CAMK1D: variants seen among roughly 807,000 people sequenced by gnomAD.
The protein encoded by CAMK1D is calcium/calmodulin-dependent protein kinase type 1D.
A neutral mutation model predicts 47.7 loss-of-function variants in CAMK1D; 9 were observed. The observed-to-expected ratio is 0.19, with a 90% CI of 0.11 to 0.33. CAMK1D has a LOEUF of 0.33. Ranked by LOEUF, CAMK1D falls within the 10% of genes least tolerant of loss-of-function variation. The pLI is 1.00. For synonymous variants in CAMK1D, 184 were observed against 184.9 expected, an observed-to-expected ratio of 0.99 and a Z score of 0.04; for missense variants, 291 against 488.7, an observed-to-expected ratio of 0.60 and a Z score of 3.81.
At chr10:12,823,298 A>C (rs1228985366) in intron 8 of CAMK1D, among the ~76,000 whole-genome samples, 1 of 152,104 alleles carries the variant, frequency 6.6e-6, no homozygotes, top group Admixed American at 6.5e-5. Context: ...GATCCCCTTA[A>C]CTTCTGCAAG....
intron 6 of CAMK1D, among the ~76,000 whole-genome samples, chr10:12,801,350 TATCTTATCTATCTATC>T (rs1393504931): frequency 1.1e-4 from 12 of 106,252 alleles, no homozygotes; most frequent in African/African-American, 3.8e-4. Context: ...TCTATCTATC[TATCTTATCTATCTATC>T]TATCTATCTA....
At chr10:12,751,788 G>A (rs1041746550) in intron 3 of CAMK1D, among the ~76,000 whole-genome samples, 3 of 151,518 alleles carry the variant, frequency 2.0e-5, no homozygotes, top group Non-Finnish European at 4.4e-5. Flanking sequence ...CAGCCGGCAC[G>A]CAGCAGGGAA....
chr10:12,594,676 G>C (rs780908109), intron 2 of CAMK1D, among the ~76,000 whole-genome samples: 3 of 152,210 alleles, frequency 2.0e-5, no homozygotes, highest in Non-Finnish European at 4.4e-5. Flanking sequence ...AAAGTTAAAG[G>C]CTAGTTTAGG....
intron 3 of CAMK1D, among the ~76,000 whole-genome samples, chr10:12,751,683 C>G (rs1443562038): frequency 2.6e-5 from 4 of 152,154 alleles, no homozygotes; most frequent in African/African-American, 9.7e-5. Flanking sequence ...TCAGGAAAGG[C>G]ATATCTGTAG....
chr10:12,470,870 A>G (rs1412520335), intron 1 of CAMK1D, among the ~76,000 whole-genome samples: 1 of 152,062 alleles, frequency 6.6e-6, no homozygotes, highest in African/African-American at 2.4e-5. Flanking sequence ...CTTATGGCCC[A>G]GTGTACTGCC....
chr10:12,410,660 G>A (rs141763520), intron 1 of CAMK1D, among the ~76,000 whole-genome samples: 1 of 152,268 alleles, frequency 6.6e-6, no homozygotes, highest in East Asian at 1.9e-4. Context: ...ATGAGGCACT[G>A]GGGCATATAT....
At chr10:12,395,678 G>T (rs1022039543) in intron 1 of CAMK1D, among the ~76,000 whole-genome samples, 1 of 151,864 alleles carries the variant, frequency 6.6e-6, no homozygotes, top group African/African-American at 2.4e-5. Flanking sequence ...ATTCTGGGAG[G>T]CCGAGGTTGG....
chr10:12,713,373 G>A (rs113102961), intron 3 of CAMK1D, among the ~76,000 whole-genome samples: 1 of 152,088 alleles, frequency 6.6e-6, no homozygotes, highest in Non-Finnish European at 1.5e-5. Context: ...CATGAGTTGC[G>A]TTTTACCCTG....
intron 1 of CAMK1D, among the ~76,000 whole-genome samples, chr10:12,376,215 G>A (rs1004021804): frequency 6.7e-6 from 1 of 150,288 alleles, no homozygotes; most frequent in Non-Finnish European, 1.5e-5. Flanking sequence ...TGTCTATGGC[G>A]TTTGAATTTC....
intron 6 of CAMK1D, among the ~76,000 whole-genome samples, chr10:12,801,362 C>CT (rs1339190830): frequency 3.2e-3 from 323 of 102,436 alleles, no homozygotes; most frequent in South Asian, 7.5e-3. Flanking sequence ...TCTTATCTAT[C>CT]TATCTATCTA....
At chr10:12,400,627 T>A (rs1332496166) in intron 1 of CAMK1D, among the ~76,000 whole-genome samples, 2 of 152,160 alleles carry the variant, frequency 1.3e-5, no homozygotes, top group Admixed American at 6.5e-5. Flanking sequence ...ATTGTCTTGA[T>A]GTTGAGAACT....
intron 2 of CAMK1D, among the ~76,000 whole-genome samples, chr10:12,633,319 T>C (rs2132470564): frequency 6.6e-6 from 1 of 152,292 alleles, no homozygotes; most frequent in Non-Finnish European, 1.5e-5. Context: ...GTATTTCTTT[T>C]TCCCTGAGAA....
At chr10:12,730,364 G>A (rs1007367808) in intron 3 of CAMK1D, among the ~76,000 whole-genome samples, 33 of 152,136 alleles carry the variant, frequency 2.2e-4, no homozygotes, top group Non-Finnish European at 4.7e-4. Context: ...GGGGAAGCAC[G>A]GGGTCAGCAC....
chr10:12,355,584 C>G (rs1466823382), intron 1 of CAMK1D, among the ~76,000 whole-genome samples: 2 of 151,780 alleles, frequency 1.3e-5, no homozygotes, highest in African/African-American at 2.4e-5. Context: ...TCTGGGGTTA[C>G]TTAGAATTTG....
chr10:12,452,003 T>G (rs1466390144), intron 1 of CAMK1D, among the ~76,000 whole-genome samples: 1 of 152,116 alleles, frequency 6.6e-6, no homozygotes, highest in Non-Finnish European at 1.5e-5. Context: ...CAATAGCCCC[T>G]TAATTGAGGG....
chr10:12,614,052 T>G (rs1273939553), intron 2 of CAMK1D, among the ~76,000 whole-genome samples: 2 of 152,178 alleles, frequency 1.3e-5, no homozygotes, highest in Non-Finnish European at 2.9e-5. Context: ...TTATTATTTT[T>G]TAACCCAAGA....
intron 3 of CAMK1D, among the ~76,000 whole-genome samples, chr10:12,760,021 G>C (rs1588894544): frequency 6.6e-6 from 1 of 151,838 alleles, no homozygotes. Context: ...TTTTTCAGTA[G>C]TGTTAATAAA....
chr10:12,566,272 G>A (rs527857869), intron 2 of CAMK1D, among the ~76,000 whole-genome samples: 25 of 152,242 alleles, frequency 1.6e-4, no homozygotes, highest in Middle Eastern at 3.4e-3. Flanking sequence ...GTCACATCAC[G>A]CAAGTGTCGT....
At chr10:12,525,769 T>G (rs1167029755) in intron 1 of CAMK1D, among the ~76,000 whole-genome samples, 1 of 152,124 alleles carries the variant, frequency 6.6e-6, no homozygotes, top group African/African-American at 2.4e-5. Flanking sequence ...TACTTTTTTG[T>G]TTTTTTGAGA....
Sources: allele counts gnomAD v4.1 joint callset (sites outside exome capture counted in the v4.1 genomes callset), GRCh38; gene constraint gnomAD v4.1.1; transcripts MANE v1.5; gene names NCBI Gene and HGNC (gene_info 2026-07-23, HGNC 2026-07-21).